TENM3: variants seen among roughly 807,000 people sequenced by gnomAD.
TENM3 encodes teneurin transmembrane protein 3, also known as teneurin-3.
Under a neutral mutation model 255.1 loss-of-function variants are expected in TENM3, and 63 were observed. The observed-to-expected ratio is 0.25, with a 90% confidence interval of 0.20 to 0.30. The LOEUF is 0.30. TENM3 is among the 10% of genes least tolerant of loss of function. The pLI, the probability that TENM3 is intolerant of heterozygous loss-of-function variation, is 1.00. For synonymous variants in TENM3, 1,306 were observed against 1,322.3 expected, an observed-to-expected ratio of 0.99 and a Z score of 0.27; for missense variants, 2,929 against 3,461.1, an observed-to-expected ratio of 0.85 and a Z score of 3.86.
intron 1 of TENM3, among the ~76,000 whole-genome samples, chr4:182,261,319 C>G (rs1367993976): frequency 6.6e-6 from 1 of 152,140 alleles, no homozygotes; most frequent in Non-Finnish European, 1.5e-5. Flanking sequence ...TAAAACAAAA[C>G]CTTCCAGAGC....
chr4:182,211,014 C>T (rs1000191481), intron 1 of TENM3, among the ~76,000 whole-genome samples: 4 of 152,224 alleles, frequency 2.6e-5, no homozygotes, highest in East Asian at 1.9e-4. Context: ...CTGGACAAAC[C>T]GAGGCCAACA....
chr4:182,285,433 G>A lies in TENM3; in HGVS notation c.-75-38513G>A, dbSNP rs959386790. 5.3e-5 allele frequency among the ~76,000 whole-genome samples: 8 copies of A among 152,172 alleles called. 1 individual carries two copies. The highest frequency in any genetic ancestry group is 1.3e-4 in the Admixed American group (2 of 15,276). ...CGTGTGTTTATTTAGGGTCCACTAT[G>A]TGTCTGCTGATACTGACTGTGGGGT... On this transcript the variant is annotated intron_variant, in intron 1 of 27. Coordinates refer to ENST00000511685, the MANE Select transcript of TENM3 (RefSeq NM_001080477.4).
At chr4:182,093,524 T>G in the TENM3 span, among the ~76,000 whole-genome samples, 1 of 152,150 alleles carries the variant, frequency 6.6e-6, no homozygotes, top group Non-Finnish European at 1.5e-5. Context: ...GGAACACGTG[T>G]GCAGGAGGAG....
chr4:181,617,006 C>T, the TENM3 span, among the ~76,000 whole-genome samples: 5 of 152,280 alleles, frequency 3.3e-5, no homozygotes, highest in African/African-American at 4.8e-5. Context: ...TTAATGATCA[C>T]ACCCCCTTAT....
chr4:182,702,983 G>A lies in TENM3; in HGVS notation c.2222-11104G>A, dbSNP rs6552594. Among the ~76,000 whole-genome samples, 765 of 152,144 alleles carry A rather than the reference G, an allele frequency of 5.0e-3. 7 individuals are homozygous for A. Among genetic ancestry groups the A allele is most frequent in the African/African-American group, 0.017 (721 of 41,496 alleles). On this transcript the variant is annotated intron_variant, in intron 12 of 27. Transcript: ENST00000511685. ...GATCTCCTGACCTCGTGATCTGCCC[G>A]CCTCAGCCTCCCAAAGTGCTGGGAT...
the TENM3 span, among the ~76,000 whole-genome samples, chr4:181,866,828 C>T: frequency 6.6e-6 from 1 of 152,170 alleles, no homozygotes; most frequent in East Asian, 1.9e-4. Flanking sequence ...TTCAGAGACT[C>T]CTTCCTCTTC....
chr4:181,596,762 T>C, the TENM3 span, among the ~76,000 whole-genome samples: 2 of 152,040 alleles, frequency 1.3e-5, no homozygotes, highest in African/African-American at 2.4e-5. Flanking sequence ...TAAAAAAGAA[T>C]GAGATCATGT....
At chr4:182,316,358 AT>A (rs909316212) in intron 1 of TENM3, among the ~76,000 whole-genome samples, 156 of 147,498 alleles carry the variant, frequency 1.1e-3, no homozygotes, top group Middle Eastern at 3.6e-3. Flanking sequence ...TGAAGTATGA[AT>A]TTTTTTTTTT....
At chr4:182,492,761 A>G (rs1328485826) in intron 3 of TENM3, among the ~76,000 whole-genome samples, 1 of 152,190 alleles carries the variant, frequency 6.6e-6, no homozygotes, top group Non-Finnish European at 1.5e-5. Flanking sequence ...GCAGGAGAAA[A>G]TAACAATAAA....
At chr4:181,480,280 G>A in the TENM3 span, among the ~76,000 whole-genome samples, 1 of 152,074 alleles carries the variant, frequency 6.6e-6, no homozygotes, top group Admixed American at 6.6e-5. Flanking sequence ...CATGCAGAAG[G>A]TCACCAAAGT....
At chr4:181,643,596 A>C in the TENM3 span, among the ~76,000 whole-genome samples, 1 of 151,632 alleles carries the variant, frequency 6.6e-6, no homozygotes, top group Non-Finnish European at 1.5e-5. Flanking sequence ...AGTTGACTGC[A>C]TCAAAATGGA....
intron 3 of TENM3, among the ~76,000 whole-genome samples, chr4:182,465,616 T>G (rs1405759372): frequency 6.6e-6 from 1 of 152,140 alleles, no homozygotes; most frequent in Non-Finnish European, 1.5e-5. Flanking sequence ...TCTTAGGGAA[T>G]TAGAATACTC....
chr4:182,096,616 A>T, the TENM3 span, among the ~76,000 whole-genome samples: 3 of 152,202 alleles, frequency 2.0e-5, no homozygotes, highest in African/African-American at 7.2e-5. Flanking sequence ...ATCCTTTACC[A>T]TCCTGCCAAA....
rs77206362 is a variant in TENM3, at chr4:182,391,784, A to G, written c.511+44855A>G. 4.3e-3 allele frequency among the ~76,000 whole-genome samples: 651 copies of G among 152,298 alleles called. 1 individual carries two copies. The highest frequency in any genetic ancestry group is 7.2e-3 in the Non-Finnish European group (487 of 68,024). The stretch of plus-strand genomic sequence containing the variant: ...GCCTGCATAAAGTTGGTACTTAAAA[A>G]TGTTTATTGACTAACGCCATAGTGA... On this transcript the variant is annotated intron_variant, in intron 3 of 27. Transcript: ENST00000511685.
chr4:181,859,208 G>T, the TENM3 span, among the ~76,000 whole-genome samples: 1 of 125,160 alleles, frequency 8.0e-6, no homozygotes, highest in African/African-American at 3.0e-5. Context: ...GTGCCACTGC[G>T]CTCCACCCTG....
the TENM3 span, among the ~76,000 whole-genome samples, chr4:181,903,421 C>T: frequency 6.6e-6 from 1 of 152,166 alleles, no homozygotes; most frequent in South Asian, 2.1e-4. Flanking sequence ...AGTTCAACAG[C>T]TGATGCCTTT....
the TENM3 span, among the ~76,000 whole-genome samples, chr4:182,037,644 G>A: frequency 6.6e-6 from 1 of 152,100 alleles, no homozygotes; most frequent in African/African-American, 2.4e-5. Flanking sequence ...TTATTTGTTT[G>A]TTTGTATTGG....
the TENM3 span, among the ~76,000 whole-genome samples, chr4:181,918,797 A>G: frequency 6.6e-6 from 1 of 152,204 alleles, no homozygotes; most frequent in Non-Finnish European, 1.5e-5. Flanking sequence ...CTGAAGGTAT[A>G]TAAATTGACA....
the TENM3 span, among the ~76,000 whole-genome samples, chr4:182,073,574 C>T: frequency 2.0e-5 from 3 of 152,212 alleles, no homozygotes; most frequent in East Asian, 1.9e-4. Context: ...CCCAAGCAAA[C>T]GAATACAAAA....
Sources: gnomAD v4.1 joint callset for allele counts (sites outside exome capture counted in the v4.1 genomes callset) on GRCh38, gnomAD v4.1.1 for gene constraint, MANE v1.5 for transcripts, NCBI Gene and HGNC (gene_info 2026-07-23, HGNC 2026-07-21) for gene names.